The following EYA3 variants were observed in gnomAD, a reference collection of about 807,000 sequenced individuals.
EYA3 encodes EYA transcriptional coactivator and phosphatase 3, also known as protein phosphatase EYA3.
In EYA3, 39 loss-of-function variants were observed where a neutral mutation model predicts 80.0. That is an observed-to-expected ratio of 0.49 (90% CI 0.38 to 0.64). The LOEUF is 0.64. EYA3 is among the 30% of genes least tolerant of loss of function. EYA3 has a pLI of 0.00. For synonymous variants in EYA3, 206 were observed against 232.8 expected, an observed-to-expected ratio of 0.88 and a Z score of 1.05; for missense variants, 523 against 676.1, an observed-to-expected ratio of 0.77 and a Z score of 2.51.
intron 6 of EYA3, among the ~76,000 whole-genome samples, chr1:28,034,793 T>A (rs1243219458): frequency 6.6e-6 from 1 of 152,194 alleles, no homozygotes; most frequent in Non-Finnish European, 1.5e-5. Flanking sequence ...CCTATAGAAA[T>A]ATAATTTTGT....
intron 11 of EYA3, among the ~76,000 whole-genome samples, chr1:28,003,380 A>G (rs1322910710): frequency 6.6e-6 from 1 of 152,138 alleles, no homozygotes; most frequent in Non-Finnish European, 1.5e-5. Context: ...GAGGGAGGAG[A>G]ATCATTTGAA....
At position 28,013,348 on chromosome 1, in the gene EYA3, A is replaced by C. The variant is rs1641823924; in HGVS notation, c.586-54T>G. 77 of 1,349,192 alleles carry C rather than the reference A, an allele frequency of 5.7e-5. No individual in the cohort carries two copies. The highest frequency in any genetic ancestry group is 6.9e-5 in the Non-Finnish European group (70 of 1,010,362). 83.6% of individuals were successfully genotyped at this position (1,349,192 alleles called of 1,614,324 possible). ...GACTCTTATAGCATACATTAATCTC[A>C]ACACAAGAGGCTTTCTTCTCCCTCT... On this transcript the variant is annotated intron_variant, in intron 8 of 17. Transcript: ENST00000373871. The surrounding 1 kb of genome is among the most constrained non-coding windows in gnomAD (Gnocchi z 4.0).
At position 28,010,928 on chromosome 1, in the gene EYA3, A is replaced by C. The variant is rs902199078; in HGVS notation, c.909+19T>G. On this transcript the variant is annotated intron_variant, in intron 10 of 17. Coordinates refer to ENST00000373871, the MANE Select transcript of EYA3 (RefSeq NM_001990.4). ...TGAGAAAGAACAAAGTAGGTAACTA[A>C]ATCAGTTTCTTCTCATACTTCTAAT... 6.2e-7 allele frequency: 1 copy of C among 1,605,382 alleles called. No homozygotes were observed. The highest frequency in any genetic ancestry group is 1.3e-5 in the African/African-American group (1 of 74,444).
intron 2 of EYA3, among the ~76,000 whole-genome samples, chr1:28,050,189 TA>T (rs201155997): frequency 0.17 from 24,182 of 141,048 alleles, 2,629 homozygotes; most frequent in Non-Finnish European, 0.23. Context: ...TTATTATTAT[TA>T]TTATTATTAT....
At chr1:28,054,495 A>G (rs1644373800) in intron 2 of EYA3, among the ~76,000 whole-genome samples, 1 of 152,250 alleles carries the variant, frequency 6.6e-6, no homozygotes, top group South Asian at 2.1e-4. Flanking sequence ...CTAACCCTCC[A>G]GATTCACAGA....
chr1:28,035,730 C>T (rs200731583), intron 5 of EYA3, 50 bp from the exon 6 acceptor site: 87 of 1,574,936 alleles, frequency 5.5e-5, no homozygotes, highest in Admixed American at 1.7e-4. Context: ...ACTTTAGTAA[C>T]GAAAAATAGG....
chr1:28,056,165 C>T (rs1436620755), intron 2 of EYA3, among the ~76,000 whole-genome samples: 2 of 152,202 alleles, frequency 1.3e-5, no homozygotes, highest in African/African-American at 4.8e-5. Flanking sequence ...AGTGCCCATA[C>T]TCTGAACCAC....
chr1:28,038,054 C>T (rs901549498), intron 5 of EYA3, among the ~76,000 whole-genome samples: 1 of 149,554 alleles, frequency 6.7e-6, no homozygotes, highest in Non-Finnish European at 1.5e-5. Context: ...TGATCTTACC[C>T]CATGAAGGCC....
intron 11 of EYA3, among the ~76,000 whole-genome samples, chr1:28,003,073 G>A (rs1441921107): frequency 1.4e-4 from 21 of 149,566 alleles, no homozygotes; most frequent in Middle Eastern, 3.4e-3. Flanking sequence ...TGGCTAACAC[G>A]GTGAAACCCT....
chr1:28,076,002 A>C (rs996700330), intron 1 of EYA3, among the ~76,000 whole-genome samples: 6 of 152,196 alleles, frequency 3.9e-5, no homozygotes, highest in Non-Finnish European at 8.8e-5. Context: ...GCAGACCTAC[A>C]CTCAGCTAAC....
intron 2 of EYA3, 97 bp from the exon 3 acceptor site, chr1:28,048,523 CTG>C (rs1190568807): frequency 2.5e-5 from 21 of 854,006 alleles, no homozygotes; most frequent in Non-Finnish European, 3.6e-5. Flanking sequence ...TACAGGATAA[CTG>C]TTTAATTTTG....
At chr1:28,016,553 C>CAAAAAAAAAAAAAAAAA (rs1553146526) in intron 8 of EYA3, among the ~76,000 whole-genome samples, 3 of 126,004 alleles carry the variant, frequency 2.4e-5, no homozygotes, top group Non-Finnish European at 1.7e-5. Context: ...AAAAAAAAAG[C>CAAAAAAAAAAAAAAAAA]AAAACCAGTA....
chr1:27,981,348 T>G (rs1306881913), intron 16 of EYA3, among the ~76,000 whole-genome samples: 1 of 152,110 alleles, frequency 6.6e-6, no homozygotes, highest in Admixed American at 6.6e-5. Context: ...GGGAATGAGA[T>G]CATTTCCATT....
intron 4 of EYA3, among the ~76,000 whole-genome samples, chr1:28,041,485 G>A (rs891396106): frequency 2.0e-5 from 3 of 151,962 alleles, no homozygotes; most frequent in African/African-American, 4.8e-5. Context: ...CCCGGGAGGC[G>A]GAGGTTGTAG....
At chr1:28,052,907 C>A (rs1446201112) in intron 2 of EYA3, among the ~76,000 whole-genome samples, 1 of 152,086 alleles carries the variant, frequency 6.6e-6, no homozygotes, top group Non-Finnish European at 1.5e-5. Flanking sequence ...TGACACTGCA[C>A]TCCAGCCTGG....
chr1:27,984,338 A>G (rs553321409), intron 16 of EYA3, among the ~76,000 whole-genome samples: 2 of 152,162 alleles, frequency 1.3e-5, no homozygotes, highest in African/African-American at 4.8e-5. Flanking sequence ...TCACTTTGTT[A>G]TATTTAACTG....
rs1308980852 is a variant in EYA3 at position 28,009,796 on chromosome 1, A to C, written c.909+1151T>G. On this transcript the variant is annotated intron_variant, in intron 10 of 17. Transcript: ENST00000373871. This position sits in a 1 kb window ranked among gnomAD's most constrained non-coding sequence, Gnocchi z 4.8. ...AGAATAGAGGTTACCAGAGGTTAGA[A>C]GAAGGGGAGAATGGGGAGTTACTGC... 6.6e-6 allele frequency among the ~76,000 whole-genome samples: 1 copy of C among 152,242 alleles called. No individual in the cohort carries two copies. Among genetic ancestry groups the C allele is most frequent in the East Asian group, 1.9e-4 (1 of 5,198 alleles).
At chr1:27,982,416 G>C (rs1231557282) in intron 16 of EYA3, among the ~76,000 whole-genome samples, 1 of 151,150 alleles carries the variant, frequency 6.6e-6, no homozygotes, top group African/African-American at 2.4e-5. Flanking sequence ...AAAGCCCTGG[G>C]ATGACAGGCG....
chr1:28,018,609 G>A (rs937551390), intron 7 of EYA3, among the ~76,000 whole-genome samples: 3 of 152,168 alleles, frequency 2.0e-5, no homozygotes, highest in Non-Finnish European at 4.4e-5. Flanking sequence ...AGAAACTTAA[G>A]TGCTCTGGTC....
Sources: gnomAD v4.1 joint callset for allele counts (sites outside exome capture counted in the v4.1 genomes callset) on GRCh38, gnomAD v4.1.1 for gene constraint, Gnocchi (gnomAD v3.1) non-coding constraint, MANE v1.5 for transcripts, NCBI Gene and HGNC (gene_info 2026-07-23, HGNC 2026-07-21) for gene names.